The following L3MBTL4 variants were observed in gnomAD, a reference collection of about 807,000 sequenced individuals.
L3MBTL4 encodes the protein L3MBTL histone methyl-lysine binding protein 4.
In L3MBTL4, 70 loss-of-function variants were observed where a neutral mutation model predicts 84.5. The ratio of observed to expected loss-of-function variants is 0.83; its 90% CI spans 0.68 to 1.01. The LOEUF is 1.01. Among genes scored for constraint, L3MBTL4 ranks in the 50% least tolerant of loss-of-function variants. The probability of loss-of-function intolerance (pLI) is 0.00; values close to 1 mark genes in which losing one functional copy is unlikely to be tolerated. For synonymous variants in L3MBTL4, 274 were observed against 259.8 expected, an observed-to-expected ratio of 1.05 and a Z score of -0.52; for missense variants, 715 against 754.8, an observed-to-expected ratio of 0.95 and a Z score of 0.62.
intron 16 of L3MBTL4, among the ~76,000 whole-genome samples, chr18:6,064,308 T>C (rs2057330482): frequency 6.6e-6 from 1 of 152,130 alleles, no homozygotes; most frequent in Non-Finnish European, 1.5e-5. Flanking sequence ...TCCATATTTG[T>C]TCTTTTTGCT....
intron 16 of L3MBTL4, among the ~76,000 whole-genome samples, chr18:6,056,802 A>T (rs1442183067): frequency 6.6e-6 from 1 of 152,162 alleles, no homozygotes; most frequent in East Asian, 1.9e-4. Flanking sequence ...CTCTGTCATT[A>T]TTGAGCTGTG....
At chr18:6,188,117 T>C (rs992890747) in intron 12 of L3MBTL4, among the ~76,000 whole-genome samples, 1 of 152,046 alleles carries the variant, frequency 6.6e-6, no homozygotes, top group Non-Finnish European at 1.5e-5. Flanking sequence ...CTCCCTCACT[T>C]TTCTACCTTG....
At chr18:5,975,485 C>T (rs943138191) in intron 16 of L3MBTL4, among the ~76,000 whole-genome samples, 1 of 152,210 alleles carries the variant, frequency 6.6e-6, no homozygotes, top group Non-Finnish European at 1.5e-5. Flanking sequence ...ACCTGTGCTT[C>T]CATAGTGACT....
intron 1 of L3MBTL4, chr18:6,397,666 T>G (rs1031028023): frequency 6.6e-6 from 1 of 151,916 alleles, no homozygotes; most frequent in African/African-American, 2.4e-5. Flanking sequence ...CTGAGCAACA[T>G]AGTGAGACCC....
chr18:6,216,682 C>A (rs540220976), intron 10 of L3MBTL4, among the ~76,000 whole-genome samples: 5 of 152,236 alleles, frequency 3.3e-5, no homozygotes, highest in Non-Finnish European at 5.9e-5. Context: ...CAGGTTTAGA[C>A]AGCTGGACAC....
intron 10 of L3MBTL4, among the ~76,000 whole-genome samples, chr18:6,227,264 T>A (rs1431354301): frequency 6.6e-6 from 1 of 152,086 alleles, no homozygotes; most frequent in African/African-American, 2.4e-5. Context: ...ACAGAAGACA[T>A]GAACAACACT....
At chr18:6,071,793 GAAAGAAAGAA>G (rs2057651404) in intron 16 of L3MBTL4, among the ~76,000 whole-genome samples, 2 of 137,006 alleles carry the variant, frequency 1.5e-5, no homozygotes, top group South Asian at 2.4e-4. Context: ...AAGAAAGAAA[GAAAGAAAGAA>G]AAAGAAAGAA....
At chr18:6,086,901 G>A (rs11873933) in intron 15 of L3MBTL4, among the ~76,000 whole-genome samples, 42,443 of 152,038 alleles carry the variant, frequency 0.28, 7,465 homozygotes, top group African/African-American at 0.5. Flanking sequence ...GGCAACAGCA[G>A]CAGCTCCACA....
intron 11 of L3MBTL4, among the ~76,000 whole-genome samples, chr18:6,215,077 G>T (rs1165263075): frequency 6.6e-6 from 1 of 152,090 alleles, no homozygotes; most frequent in Non-Finnish European, 1.5e-5. Flanking sequence ...TTCAGTAAAT[G>T]AAATTATATG....
At chr18:6,151,333 AC>A (rs1225426482) in intron 13 of L3MBTL4, among the ~76,000 whole-genome samples, 1 of 152,188 alleles carries the variant, frequency 6.6e-6, no homozygotes, top group Non-Finnish European at 1.5e-5. Context: ...GCAGATCTGT[AC>A]TTTTTTGACT....
In L3MBTL4 at chr18:6,404,474, T is replaced by C. The variant is rs2055641868; in HGVS notation, c.-91+10327A>G. On this transcript the variant is annotated intron_variant, in intron 1 of 18. Coordinates refer to ENST00000317931, the MANE Select transcript of L3MBTL4 (RefSeq NM_001330559.2). ...AAGATAAAAAGCTCGATTTCTGTTCTGTTCTGCTCAATTTCTTATTTTTAG... is the reference window on the plus strand; with the variant it reads ...AAGATAAAAAGCTCGATTTCTGTTCCGTTCTGCTCAATTTCTTATTTTTAG... 1.3e-5 allele frequency among the ~76,000 whole-genome samples: 2 copies of C among 152,222 alleles called. 1 individual carries two copies. The highest frequency in any genetic ancestry group is 4.1e-4 in the South Asian group (2 of 4,830).
At chr18:5,959,459 C>G (rs2095251100) in intron 18 of L3MBTL4, among the ~76,000 whole-genome samples, 1 of 152,192 alleles carries the variant, frequency 6.6e-6, no homozygotes. Flanking sequence ...CTGGTCCAGT[C>G]TCTTCCGGGG....
intron 16 of L3MBTL4, among the ~76,000 whole-genome samples, chr18:5,988,621 T>C (rs2053561535): frequency 1.3e-5 from 2 of 152,198 alleles, no homozygotes; most frequent in Non-Finnish European, 2.9e-5. Flanking sequence ...ATCATCAATG[T>C]CCAGAGTAAT....
chr18:6,182,087 A>T (rs1175492308), intron 12 of L3MBTL4, among the ~76,000 whole-genome samples: 1 of 152,264 alleles, frequency 6.6e-6, no homozygotes, highest in Non-Finnish European at 1.5e-5. Flanking sequence ...TGCTTTCTAC[A>T]ATAATTGAAC....
intron 1 of L3MBTL4, among the ~76,000 whole-genome samples, chr18:6,328,952 C>A (rs938950489): frequency 6.6e-6 from 1 of 152,100 alleles, no homozygotes; most frequent in Admixed American, 6.5e-5. Flanking sequence ...AACATACATG[C>A]AGAAAAATGC....
chr18:6,185,131 C>A (rs2044660720), intron 12 of L3MBTL4, among the ~76,000 whole-genome samples: 1 of 152,112 alleles, frequency 6.6e-6, no homozygotes, highest in Non-Finnish European at 1.5e-5. Flanking sequence ...ATATGCAGGT[C>A]AAAACGTCCA....
intron 17 of L3MBTL4, among the ~76,000 whole-genome samples, chr18:5,965,501 A>G (rs777415323): frequency 2.0e-5 from 3 of 152,066 alleles, no homozygotes; most frequent in Non-Finnish European, 4.4e-5. Flanking sequence ...CAAAGCGCAA[A>G]AGCACCCCTG....
intron 12 of L3MBTL4, among the ~76,000 whole-genome samples, chr18:6,193,614 T>C (rs528188813): frequency 6.6e-6 from 1 of 152,332 alleles, no homozygotes; most frequent in East Asian, 1.9e-4. Flanking sequence ...CCTTGCAGTC[T>C]GGGCTTCTTG....
intron 14 of L3MBTL4, among the ~76,000 whole-genome samples, chr18:6,128,504 AGCGT>A (rs2059774383): frequency 1.3e-5 from 2 of 152,086 alleles, no homozygotes; most frequent in African/African-American, 4.8e-5. Flanking sequence ...GACATGATAG[AGCGT>A]GGGAAGAGGA....
Sources: allele counts gnomAD v4.1 joint callset (sites outside exome capture counted in the v4.1 genomes callset), GRCh38; gene constraint gnomAD v4.1.1; transcripts MANE v1.5; gene names NCBI Gene and HGNC (gene_info 2026-07-23, HGNC 2026-07-21).